SNTG1: variants seen among roughly 807,000 people sequenced by gnomAD.
The protein encoded by SNTG1 is syntrophin gamma 1.
Under a neutral mutation model 74.7 loss-of-function variants are expected in SNTG1, and 39 were observed. The ratio of observed to expected loss-of-function variants is 0.52; its 90% CI spans 0.40 to 0.68. SNTG1 has a LOEUF of 0.68. Among genes scored for constraint, SNTG1 ranks in the 30% least tolerant of loss-of-function variants. SNTG1 has a pLI of 0.00. For missense variants in SNTG1, 685 were observed against 609.5 expected, an observed-to-expected ratio of 1.12 and a Z score of -1.30; for synonymous variants, 254 against 217.1, an observed-to-expected ratio of 1.17 and a Z score of -1.49.
chr8:50,404,236 A>G (rs1236083654), intron 4 of SNTG1, among the ~76,000 whole-genome samples: 1 of 152,140 alleles, frequency 6.6e-6, no homozygotes, highest in Non-Finnish European at 1.5e-5. Context: ...TATGATCTCT[A>G]CCCTGAAAAC....
chr8:50,470,151 G>A (rs138344221), intron 8 of SNTG1, among the ~76,000 whole-genome samples: 111 of 152,096 alleles, frequency 7.3e-4, no homozygotes, highest in African/African-American at 2.4e-3. Context: ...ATGAATTGAA[G>A]GAATATAAAT....
At chr8:50,285,873 G>A (rs562641096) in intron 2 of SNTG1, among the ~76,000 whole-genome samples, 1 of 149,698 alleles carries the variant, frequency 6.7e-6, no homozygotes, top group African/African-American at 2.5e-5. Flanking sequence ...ATTATAGCAA[G>A]TATAAAACAT....
chr8:50,683,213 C>CAAAA (rs1170060315), intron 15 of SNTG1, among the ~76,000 whole-genome samples: 2 of 152,190 alleles, frequency 1.3e-5, no homozygotes, highest in Non-Finnish European at 2.9e-5. Flanking sequence ...CTGTAGCCCC[C>CAAAA]AAATAAAACA....
chr8:49,964,257 C>T (rs1810948251), intron 1 of SNTG1, among the ~76,000 whole-genome samples: 1 of 152,210 alleles, frequency 6.6e-6, no homozygotes, highest in Non-Finnish European at 1.5e-5. Context: ...ATAAGACTGG[C>T]TCCCCACAAG....
intron 1 of SNTG1, among the ~76,000 whole-genome samples, chr8:50,116,781 G>T (rs2080839556): frequency 6.6e-6 from 1 of 152,078 alleles, no homozygotes; most frequent in African/African-American, 2.4e-5. Flanking sequence ...GCTCCTATTT[G>T]CCTGTTGATG....
At chr8:50,275,830 A>C (rs1410643225) in intron 2 of SNTG1, among the ~76,000 whole-genome samples, 1 of 152,026 alleles carries the variant, frequency 6.6e-6, no homozygotes, top group Non-Finnish European at 1.5e-5. Flanking sequence ...GTCTTTTCAG[A>C]TTTTAGGGTG....
chr8:50,039,428 C>T (rs1179385062), intron 1 of SNTG1, among the ~76,000 whole-genome samples: 8 of 125,862 alleles, frequency 6.4e-5, no homozygotes, highest in Non-Finnish European at 1.1e-4. Flanking sequence ...GCACTCCAGC[C>T]TGGGTGACAG....
chr8:50,204,507 G>T (rs1393385758), intron 2 of SNTG1, among the ~76,000 whole-genome samples: 1 of 152,006 alleles, frequency 6.6e-6, no homozygotes, highest in Non-Finnish European at 1.5e-5. Context: ...TCTAGGAATT[G>T]CATAAATGTA....
At chr8:50,545,326 A>G (rs1392806507) in intron 11 of SNTG1, among the ~76,000 whole-genome samples, 2 of 151,688 alleles carry the variant, frequency 1.3e-5, no homozygotes, top group Non-Finnish European at 2.9e-5. Context: ...TAAATTTTGA[A>G]GTATGTTATA....
chr8:50,117,363 A>G (rs569278244), intron 1 of SNTG1, among the ~76,000 whole-genome samples: 123 of 152,224 alleles, frequency 8.1e-4, no homozygotes, highest in African/African-American at 2.9e-3. Context: ...TATGATCAAA[A>G]TGCGTGTGAT....
chr8:50,682,025 A>G (rs1489530585), intron 15 of SNTG1, among the ~76,000 whole-genome samples: 1 of 152,188 alleles, frequency 6.6e-6, no homozygotes, highest in Non-Finnish European at 1.5e-5. Context: ...ATCTGGAACC[A>G]CTGTTGTGAC....
chr8:49,979,814 G>A (rs1812517369), intron 1 of SNTG1, among the ~76,000 whole-genome samples: 1 of 152,218 alleles, frequency 6.6e-6, no homozygotes, highest in Non-Finnish European at 1.5e-5. Context: ...TGTGTCCGCT[G>A]TTTACAGCTG....
intron 13 of SNTG1, among the ~76,000 whole-genome samples, chr8:50,608,163 T>G (rs1013885747): frequency 6.6e-6 from 1 of 151,750 alleles, no homozygotes; most frequent in Non-Finnish European, 1.5e-5. Flanking sequence ...AACATGGATA[T>G]GTACTCTGCT....
At chr8:50,560,657 G>A (rs117435938) in intron 12 of SNTG1, among the ~76,000 whole-genome samples, 1,682 of 152,236 alleles carry the variant, frequency 0.011, 15 homozygotes, top group Non-Finnish European at 0.016. Flanking sequence ...TTATAAGCAG[G>A]AACTGAATGA....
intron 13 of SNTG1, among the ~76,000 whole-genome samples, chr8:50,633,077 A>C (rs1318196167): frequency 6.6e-6 from 1 of 152,250 alleles, no homozygotes; most frequent in Admixed American, 6.5e-5. Context: ...ATTTGAGAGC[A>C]TTCATGGGCA....
At chr8:50,728,472 A>C (rs1202196580) in intron 17 of SNTG1, among the ~76,000 whole-genome samples, 1 of 152,150 alleles carries the variant, frequency 6.6e-6, no homozygotes, top group Admixed American at 6.5e-5. Flanking sequence ...GTGTGTGTCT[A>C]TTCATGTCTA....
intron 12 of SNTG1, among the ~76,000 whole-genome samples, chr8:50,588,487 T>A (rs1181878504): frequency 6.6e-6 from 1 of 152,164 alleles, no homozygotes; most frequent in Non-Finnish European, 1.5e-5. Context: ...TAGTTAAGTG[T>A]ATATTTCCAC....
At chr8:50,590,714 GA>G (rs552853648) in intron 12 of SNTG1, among the ~76,000 whole-genome samples, 164 bp from the exon 13 acceptor site, 2 of 151,920 alleles carry the variant, frequency 1.3e-5, no homozygotes, top group Admixed American at 1.3e-4. Flanking sequence ...ATTTTAAAAA[GA>G]AAAAATCTGT....
rs145984293 is a variant in SNTG1 at position 50,390,811 on chromosome 8, T to A, written c.-27-3401T>A. ...ATCCCTTGTAAGTTGGATTCCTAGG[T>A]ATTTTATTCTCTTTGAAGCAATTGT... On this transcript the variant is annotated intron_variant, in intron 2 of 18. Coordinates refer to ENST00000642720, the MANE Select transcript of SNTG1 (RefSeq NM_018967.5). 9.3e-3 allele frequency among the ~76,000 whole-genome samples: 1,421 copies of A among 152,312 alleles called. 27 individuals carry two copies. Among genetic ancestry groups the A allele is most frequent in the African/African-American group, 0.032 (1,347 of 41,556 alleles).
Sources: allele counts gnomAD v4.1 joint callset (sites outside exome capture counted in the v4.1 genomes callset), GRCh38; gene constraint gnomAD v4.1.1; transcripts MANE v1.5; gene names NCBI Gene and HGNC (gene_info 2026-07-23, HGNC 2026-07-21).